Variants in GSK3A observed in about 807,000 individuals in gnomAD.
The protein encoded by GSK3A is glycogen synthase kinase 3 alpha, also known as glycogen synthase kinase-3 alpha.
A neutral mutation model predicts 56.6 loss-of-function variants in GSK3A; 14 were observed. The observed-to-expected ratio is 0.25, with a 90% CI of 0.16 to 0.39. The LOEUF is 0.39. Among genes scored for constraint, GSK3A ranks in the 10% least tolerant of loss-of-function variants. The pLI is 1.00. For synonymous variants in GSK3A, 301 were observed against 285.0 expected (o/e 1.06, Z -0.56); for missense variants, 450 against 656.0 (o/e 0.69, Z 3.43).
Position 42,242,497 on chromosome 19 carries a change from C to T in GSK3A, c.-32G>A. 9.3e-7 allele frequency: 1 copy of T among 1,077,410 alleles called. No homozygotes were observed. The highest frequency in any genetic ancestry group is 1.1e-6 in the Non-Finnish European group (1 of 891,840). 66.7% of individuals were successfully genotyped at this position (1,077,410 alleles called of 1,614,324 possible). A position where few individuals can be genotyped will look rare whatever the true frequency, so the allele number is the denominator to read the frequency against. ...GAGCACAGGCCCAGGCTGCGGGGCT[C>T]GGGCTGCCCGGGCTGCCCCAGCCGC... On this transcript the variant is annotated 5_prime_UTR_variant, in exon 1 of 11. Transcript: ENST00000222330.
Position 42,234,189 on chromosome 19 carries a change from C to T in GSK3A, c.904+164G>A, listed in dbSNP as rs1385652773. ...GCAGGCGGCCTCACAGCTCTAAGCT[C>T]ATCTGTAAAATTAGCATTCAACAGC... On this transcript the variant is annotated intron_variant, in intron 6 of 10. Transcript: ENST00000222330. This position sits in a 1 kb window ranked among gnomAD's most constrained non-coding sequence, Gnocchi z 5.7. 6.6e-6 allele frequency among the ~76,000 whole-genome samples: 1 copy of T among 152,202 alleles called. No homozygotes were observed. Among genetic ancestry groups the T allele is most frequent in the African/African-American group, 2.4e-5 (1 of 41,444 alleles).
intron 2 of GSK3A, among the ~76,000 whole-genome samples, chr19:42,238,606 CAAAAAAAAAAAAAA>C (rs769150560): frequency 4.5e-4 from 15 of 33,158 alleles, no homozygotes; most frequent in South Asian, 2.3e-3. Flanking sequence ...GACTCCGTCT[CAAAAAAAAAAAAAA>C]AAAAAAAAAA....
Position 42,232,102 on chromosome 19 carries a change from A to G in GSK3A, c.1333T>C (p.Leu445=), listed in dbSNP as rs773016062. ...GTGGTAGTGCCCGCTGGGGACCTCA[A>G]GTGAGGAGGGATGAGAATGGCGTTG... is the stretch of plus-strand genomic sequence containing the variant. The part of the protein sequence containing the change: ...SLNAILIPPH[L]RSPAGTTTLT... Residue 445 remains leucine, a synonymous_variant, in exon 10 of 11, where the codon TTG becomes CTG. Transcript: ENST00000222330. The G allele has an allele frequency of 1.2e-6, 2 of 1,609,246 alleles. No homozygotes were observed. Among genetic ancestry groups the G allele is most frequent in the African/African-American group, 2.7e-5 (2 of 74,628 alleles).
At chr19:42,236,764 A>C (rs1469089868) in intron 3 of GSK3A, 48 bp from the exon 4 acceptor site, 1 of 1,523,494 alleles carries the variant, frequency 6.6e-7, no homozygotes, top group Non-Finnish European at 9.1e-7. Flanking sequence ...AAGAGTGAGG[A>C]GGGGGAAGGA....
intron 2 of GSK3A, 46 bp from the exon 3 acceptor site, chr19:42,236,987 C>T: frequency 7.8e-7 from 1 of 1,290,082 alleles, no homozygotes; most frequent in Non-Finnish European, 1.1e-6. Flanking sequence ...ACTCTCTCGG[C>T]TGCTCCTCCC....
chr19:42,230,670 C>T lies in GSK3A; in HGVS notation c.*124G>A. On this transcript the variant is annotated 3_prime_UTR_variant, in exon 11 of 11. Coordinates refer to ENST00000222330, the MANE Select transcript of GSK3A (RefSeq NM_019884.3). ...GAGGGACTGGAGGTGGGGACAGGGA[C>T]TCATTTACCTCTGCCCTCTAGTCTA... The T allele has an allele frequency of 1.4e-6, 1 of 713,428 alleles. No homozygotes were observed. Among genetic ancestry groups the T allele is most frequent in the Non-Finnish European group, 2.5e-6 (1 of 394,518 alleles). 44.2% of individuals were successfully genotyped at this position (713,428 alleles called of 1,614,324 possible).
intron 1 of GSK3A, 193 bp from the exon 2 acceptor site, chr19:42,240,335 T>G (rs1020586809): frequency 1.6e-6 from 1 of 615,244 alleles, no homozygotes; most frequent in Non-Finnish European, 2.9e-6. Context: ...CTGGGAATCT[T>G]AAGTCCTGCT....
intron 6 of GSK3A, among the ~76,000 whole-genome samples, chr19:42,233,679 G>A (rs1325851281): frequency 6.6e-6 from 1 of 152,048 alleles, no homozygotes; most frequent in East Asian, 1.9e-4. Flanking sequence ...GCCCAAACCT[G>A]CCAACAGGCA....
intron 10 of GSK3A, among the ~76,000 whole-genome samples, chr19:42,231,544 G>T (rs934529769): frequency 6.6e-6 from 1 of 152,100 alleles, no homozygotes; most frequent in African/African-American, 2.4e-5. Context: ...CACTTTAGGA[G>T]GCCAAGCGGG....
chr19:42,238,749 G>A (rs1270641071), intron 2 of GSK3A, among the ~76,000 whole-genome samples: 1 of 151,694 alleles, frequency 6.6e-6, no homozygotes, highest in Non-Finnish European at 1.5e-5. Context: ...ATTACTTGAG[G>A]TCAGGAGTTC....
In GSK3A at chr19:42,233,195, G is replaced by A; in HGVS notation, c.1013C>T (p.Thr338Ile). The A allele has an allele frequency of 6.2e-7, 1 of 1,608,044 alleles. No individual in the cohort carries two copies. The highest frequency in any genetic ancestry group is 1.3e-5 in the African/African-American group (1 of 74,898). Reference sequence around the variant, plus strand: ...CTCTCGGATTTGTTCCCGGGTTGGTGTTCCCAGCACCTGTAAAGAGAGGGA... The same window carrying A: ...CTCTCGGATTTGTTCCCGGGTTGGTATTCCCAGCACCTGTAAAGAGAGGGA... ...QLVEIIKVLG[T>I]PTREQIREMN... Residue 338 changes from threonine (T) to isoleucine (I), a missense_variant, in exon 8 of 11, where the codon ACA (threonine) becomes ATA (isoleucine). This residue lies in a region of GSK3A where 144 missense variants were observed against 308.0 expected (regional missense o/e 0.47). Coordinates refer to ENST00000222330, the MANE Select transcript of GSK3A (RefSeq NM_019884.3).
intron 4 of GSK3A, among the ~76,000 whole-genome samples, chr19:42,236,041 C>T (rs895372803): frequency 6.6e-5 from 10 of 152,158 alleles, no homozygotes; most frequent in Admixed American, 5.2e-4. Context: ...CCAGCCTGTT[C>T]GCCACATCAT....
intron 2 of GSK3A, among the ~76,000 whole-genome samples, chr19:42,237,694 G>A (rs919086885): frequency 2.7e-5 from 4 of 149,770 alleles, no homozygotes; most frequent in African/African-American, 7.3e-5. Context: ...TGGTTAACAC[G>A]GTGAAACCCT....
At chr19:42,236,064 ATCAT>A (rs138176758) in intron 4 of GSK3A, among the ~76,000 whole-genome samples, 13 of 152,092 alleles carry the variant, frequency 8.5e-5, no homozygotes, top group South Asian at 2.1e-4. Context: ...CTGGGCTGCA[ATCAT>A]TCATTCATTC....
chr19:42,232,410 A>C, intron 9 of GSK3A, 86 bp downstream of exon 9: 1 of 1,281,350 alleles, frequency 7.8e-7, no homozygotes. Context: ...TTAGCTCCCC[A>C]CTCCTGCTTC....
Position 42,234,704 on chromosome 19 carries a change from C to T in GSK3A, c.667-26G>A. The T allele has an allele frequency of 6.5e-7, 1 of 1,532,544 alleles. No homozygotes were observed. The highest frequency in any genetic ancestry group is 1.4e-5 in the African/African-American group (1 of 73,290). 94.9% of individuals were successfully genotyped at this position (1,532,544 alleles called of 1,614,324 possible). On this transcript the variant is annotated intron_variant, in intron 4 of 10. Transcript: ENST00000222330. This position sits in a 1 kb window ranked among gnomAD's most constrained non-coding sequence, Gnocchi z 5.7. Reference sequence around the variant, plus strand: ...CTGCGGCGGGCACAGGATAGCAGAACTTTAGCCCAGCTTTCCCCATACAGC... The same window carrying T: ...CTGCGGCGGGCACAGGATAGCAGAATTTTAGCCCAGCTTTCCCCATACAGC...
In GSK3A at chr19:42,231,793, T is replaced by C. The variant is rs61412667; in HGVS notation, c.1378+264A>G. ...TTGCACAAAAAAAAAAAAAACAAAC[T>C]TGGGCAACGAATTCAACTTTTTGTT... is the stretch of plus-strand genomic sequence containing the variant. On this transcript the variant is annotated intron_variant, in intron 10 of 10. Transcript: ENST00000222330. Among the ~76,000 whole-genome samples, 336 of 151,636 alleles carry C rather than the reference T, an allele frequency of 2.2e-3. 11 individuals carry two copies. In the East Asian group the frequency reaches 0.054, roughly 24 times the overall value.
chr19:42,234,280 G>T lies in GSK3A; in HGVS notation c.904+73C>A. 9.9e-7 allele frequency: 1 copy of T among 1,013,934 alleles called. No homozygotes were observed. Among genetic ancestry groups the T allele is most frequent in the Non-Finnish European group, 1.6e-6 (1 of 634,112 alleles). 62.8% of individuals were successfully genotyped at this position (1,013,934 alleles called of 1,614,324 possible). Reference sequence around the variant, plus strand: ...AAGTTAAGCTTTCATCACCAAGCTTGGCATACAGCACACAGAAAACTCCAA... The same window carrying T: ...AAGTTAAGCTTTCATCACCAAGCTTTGCATACAGCACACAGAAAACTCCAA... On this transcript the variant is annotated intron_variant, in intron 6 of 10. Coordinates refer to ENST00000222330, the MANE Select transcript of GSK3A (RefSeq NM_019884.3). The surrounding 1 kb of genome is among the most constrained non-coding windows in gnomAD (Gnocchi z 5.7).
chr19:42,240,475 C>T, intron 1 of GSK3A: 1 of 526,208 alleles, frequency 1.9e-6, no homozygotes, highest in Non-Finnish European at 3.4e-6. Context: ...GATGTTGACT[C>T]CATCTACTCT....
Sources: allele counts gnomAD v4.1 joint callset (sites outside exome capture counted in the v4.1 genomes callset), GRCh38; gene constraint gnomAD v4.1.1; regional missense constraint gnomAD v4.1.1; non-coding constraint Gnocchi (gnomAD v3.1); transcripts MANE v1.5; gene names NCBI Gene and HGNC (gene_info 2026-07-23, HGNC 2026-07-21).